ARID2: variants seen among roughly 807,000 people sequenced by gnomAD.
The protein encoded by ARID2 is AT-rich interactive domain-containing protein 2.
ARID2 carries 32 observed loss-of-function variants against 184.6 expected under a neutral mutation model. The observed-to-expected ratio is 0.17, with a 90% confidence interval of 0.13 to 0.23. ARID2 has a LOEUF of 0.23. ARID2 is among the 10% of genes least tolerant of loss of function. ARID2 has a pLI of 1.00. For missense variants in ARID2, 1,696 were observed against 2,197.6 expected, an observed-to-expected ratio of 0.77 and a Z score of 4.56; for synonymous variants, 836 against 772.6, an observed-to-expected ratio of 1.08 and a Z score of -1.36.
intron 16 of ARID2, among the ~76,000 whole-genome samples, chr12:45,865,333 G>T (rs966335372): frequency 6.6e-6 from 1 of 151,972 alleles, no homozygotes; most frequent in Non-Finnish European, 1.5e-5. Flanking sequence ...CAAAAAAAAT[G>T]TTGTCTGCTG....
intron 11 of ARID2, chr12:45,845,856 A>C (rs1048284385): frequency 2.0e-5 from 3 of 152,184 alleles, no homozygotes; most frequent in African/African-American, 4.8e-5. Context: ...GCCGTGTCAC[A>C]TAGCAAGTTT....
intron 3 of ARID2, among the ~76,000 whole-genome samples, chr12:45,763,346 T>C (rs2138012669): frequency 1.3e-5 from 2 of 152,086 alleles, no homozygotes; most frequent in South Asian, 4.1e-4. Flanking sequence ...GGCAGGCACC[T>C]GTAATCCCAG....
intron 3 of ARID2, among the ~76,000 whole-genome samples, chr12:45,781,521 T>A (rs1942090008): frequency 6.6e-6 from 1 of 150,952 alleles, no homozygotes; most frequent in Non-Finnish European, 1.5e-5. Context: ...AAGTACCAAG[T>A]CTTACAAGAG....
chr12:45,848,512 G>A (rs1315339311), intron 12 of ARID2, among the ~76,000 whole-genome samples: 2 of 152,106 alleles, frequency 1.3e-5, no homozygotes, highest in African/African-American at 4.8e-5. Context: ...TTACAAGACA[G>A]GATGCCGAAT....
At chr12:45,884,627 G>T (rs1180840204) in intron 16 of ARID2, among the ~76,000 whole-genome samples, 1 of 152,090 alleles carries the variant, frequency 6.6e-6, no homozygotes, top group African/African-American at 2.4e-5. Flanking sequence ...CACTTGATGT[G>T]GGAAGGTCAA....
intron 3 of ARID2, among the ~76,000 whole-genome samples, chr12:45,763,652 AT>A (rs201107080): frequency 6.0e-4 from 90 of 149,960 alleles, no homozygotes; most frequent in African/African-American, 1.4e-3. Flanking sequence ...AAAAAAAAAA[AT>A]TTTTTTTAAA....
chr12:45,869,686 C>T (rs1170557515), intron 16 of ARID2, among the ~76,000 whole-genome samples: 1 of 151,904 alleles, frequency 6.6e-6, no homozygotes, highest in Non-Finnish European at 1.5e-5. Flanking sequence ...AGTTTGAGAA[C>T]AGCCTGGCCA....
chr12:45,770,402 T>G (rs1941851989), intron 3 of ARID2, among the ~76,000 whole-genome samples: 1 of 152,202 alleles, frequency 6.6e-6, no homozygotes, highest in Admixed American at 6.5e-5. Context: ...GGGGGCACCC[T>G]GTCTACTTGT....
intron 16 of ARID2, among the ~76,000 whole-genome samples, chr12:45,866,094 T>G (rs1173686723): frequency 6.6e-6 from 1 of 152,078 alleles, no homozygotes; most frequent in Non-Finnish European, 1.5e-5. Context: ...TTTCTTATTT[T>G]AAACTATATA....
chr12:45,844,918 T>C (rs1302056225), intron 11 of ARID2, among the ~76,000 whole-genome samples: 1 of 152,034 alleles, frequency 6.6e-6, no homozygotes, highest in Non-Finnish European at 1.5e-5. Context: ...AGAGAAAAAA[T>C]TATCAAAGAG....
At chr12:45,858,330 C>A (rs1422814011) in intron 15 of ARID2, among the ~76,000 whole-genome samples, 2 of 152,142 alleles carry the variant, frequency 1.3e-5, no homozygotes, top group Middle Eastern at 3.4e-3. Context: ...CATTGCACTC[C>A]AGCCTGGGTG....
At chr12:45,796,443 T>C (rs1412702343) in intron 3 of ARID2, among the ~76,000 whole-genome samples, 1 of 152,208 alleles carries the variant, frequency 6.6e-6, no homozygotes, top group Non-Finnish European at 1.5e-5. Context: ...TCTTTGAAAC[T>C]ATATGTCATC....
intron 3 of ARID2, among the ~76,000 whole-genome samples, chr12:45,806,882 T>C (rs1049691268): frequency 4.6e-5 from 7 of 152,156 alleles, no homozygotes; most frequent in African/African-American, 1.7e-4. Flanking sequence ...AAGTTACAAG[T>C]TGAAGTTTAT....
At chr12:45,877,840 G>A (rs1453235269) in intron 16 of ARID2, among the ~76,000 whole-genome samples, 2 of 152,136 alleles carry the variant, frequency 1.3e-5, no homozygotes, top group Non-Finnish European at 2.9e-5. Context: ...CTTACTCTAT[G>A]TAAATTCAAG....
intron 3 of ARID2, among the ~76,000 whole-genome samples, chr12:45,791,463 A>G (rs1257300949): frequency 6.6e-6 from 1 of 152,076 alleles, no homozygotes; most frequent in Non-Finnish European, 1.5e-5. Flanking sequence ...TGATTTGGTA[A>G]TATTTTGTTT....
In ARID2 at chr12:45,783,331, A is replaced by G. The variant is rs190746789; in HGVS notation, c.285-28087A>G. On this transcript the variant is annotated intron_variant, in intron 3 of 20. Transcript: ENST00000334344. ...ATTCAGCAGCACTACAGTGAAAAAT[A>G]TATCATAACATGTAGGGGGTTATGT... Among the ~76,000 whole-genome samples, 27 of 152,328 alleles carry G rather than the reference A, an allele frequency of 1.8e-4. 1 individual carries two copies. Among genetic ancestry groups the G allele is most frequent in the East Asian group, 3.9e-4 (2 of 5,188 alleles).
At chr12:45,746,808 C>T (rs1276134257) in intron 3 of ARID2, among the ~76,000 whole-genome samples, 4 of 152,092 alleles carry the variant, frequency 2.6e-5, no homozygotes, top group Non-Finnish European at 5.9e-5. Context: ...GCTCTGTCAC[C>T]CAGGCTGGAG....
chr12:45,836,560 A>C, intron 6 of ARID2, 29 bp from the exon 7 acceptor site: 2 of 1,583,278 alleles, frequency 1.3e-6, no homozygotes, highest in Non-Finnish European at 1.7e-6. Flanking sequence ...GTTTCAAATC[A>C]TGGAGAATTA....
intron 16 of ARID2, among the ~76,000 whole-genome samples, chr12:45,864,118 A>G (rs548684069): frequency 6.6e-6 from 1 of 152,022 alleles, no homozygotes; most frequent in East Asian, 1.9e-4. Context: ...CAGCCTCCCA[A>G]AGTGCTGGGA....
Sources: allele counts gnomAD v4.1 joint callset (sites outside exome capture counted in the v4.1 genomes callset), GRCh38; gene constraint gnomAD v4.1.1; transcripts MANE v1.5; gene names NCBI Gene and HGNC (gene_info 2026-07-23, HGNC 2026-07-21).